Variants in ERCC6 observed in about 807,000 individuals in gnomAD.
ERCC6 encodes ERCC excision repair 6, chromatin remodeling factor.
Under a neutral mutation model 158.7 loss-of-function variants are expected in ERCC6, and 116 were observed. The ratio of observed to expected loss-of-function variants is 0.73; its 90% CI spans 0.63 to 0.85. The LOEUF (loss-of-function observed/expected upper bound fraction) is 0.85, where lower values mean the gene tolerates loss of function less well. ERCC6 is among the 40% of genes least tolerant of loss of function. The pLI is 0.00. For synonymous variants in ERCC6, 678 were observed against 659.3 expected, an observed-to-expected ratio of 1.03 and a Z score of -0.43; for missense variants, 1,698 against 1,799.4, an observed-to-expected ratio of 0.94 and a Z score of 1.02.
At chr10:49,513,518 TG>T (rs1231451920) in intron 5 of ERCC6, among the ~76,000 whole-genome samples, 1 of 152,128 alleles carries the variant, frequency 6.6e-6, no homozygotes, top group Non-Finnish European at 1.5e-5. Flanking sequence ...TACCCGAGAC[TG>T]GGTAATTTAT....
the ERCC6 span, among the ~76,000 whole-genome samples, chr10:49,446,257 ACC>A: frequency 0.21 from 20,887 of 99,516 alleles, 1,834 homozygotes; most frequent in South Asian, 0.33. Flanking sequence ...ACACACACAC[ACC>A]CCCCAATTTA....
intron 6 of ERCC6, chr10:49,503,975 A>G (rs1240812683): frequency 6.6e-6 from 1 of 152,168 alleles, no homozygotes; most frequent in Non-Finnish European, 1.5e-5. Context: ...GCTAAATTAG[A>G]TAGACAAATA....
intron 8 of ERCC6, among the ~76,000 whole-genome samples, chr10:49,487,415 CT>C (rs1224164607): frequency 6.6e-6 from 1 of 152,170 alleles, no homozygotes; most frequent in African/African-American, 2.4e-5. Context: ...CATTTCCTGA[CT>C]TTTGACCTCA....
chr10:49,476,476 T>C (rs1244287356), intron 11 of ERCC6, among the ~76,000 whole-genome samples, 166 bp from the exon 12 acceptor site: 1 of 152,164 alleles, frequency 6.6e-6, no homozygotes, highest in African/African-American at 2.4e-5. Flanking sequence ...CTTCTCACCA[T>C]ACCCTGCTCA....
chr10:49,537,034 G>A (rs910180668), intron 1 of ERCC6, among the ~76,000 whole-genome samples: 1 of 152,200 alleles, frequency 6.6e-6, no homozygotes, highest in Non-Finnish European at 1.5e-5. Flanking sequence ...TCAGGTTAAA[G>A]AATTTCAGAA....
At chr10:49,523,846 G>C (rs1285816245) in intron 5 of ERCC6, among the ~76,000 whole-genome samples, 187 bp downstream of exon 5, 1 of 151,722 alleles carries the variant, frequency 6.6e-6, no homozygotes, top group African/African-American at 2.4e-5. Context: ...CATGCATTTG[G>C]GGCCAGCATC....
the ERCC6 span, among the ~76,000 whole-genome samples, chr10:49,442,815 T>A: frequency 3.3e-5 from 5 of 152,248 alleles, no homozygotes; most frequent in Non-Finnish European, 7.3e-5. Flanking sequence ...ATCTTTTTAT[T>A]CCTATTTTTA....
intron 7 of ERCC6, among the ~76,000 whole-genome samples, chr10:49,496,751 T>C (rs1851274008): frequency 6.6e-6 from 1 of 152,164 alleles, no homozygotes; most frequent in Non-Finnish European, 1.5e-5. Flanking sequence ...GAGGTTGCAG[T>C]GAGCTGAGAT....
intron 5 of ERCC6, among the ~76,000 whole-genome samples, chr10:49,512,356 C>T (rs1486774312): frequency 6.6e-6 from 1 of 152,180 alleles, no homozygotes; most frequent in Non-Finnish European, 1.5e-5. Flanking sequence ...TACTGCAATC[C>T]TGACCTACCT....
intron 14 of ERCC6, 64 bp from the exon 15 acceptor site, chr10:49,473,092 G>C: frequency 6.2e-7 from 1 of 1,609,396 alleles, no homozygotes; most frequent in Non-Finnish European, 8.5e-7. Context: ...CTCAGCCTCT[G>C]CCTCCACATA....
At chr10:49,472,875 A>G in intron 15 of ERCC6, 34 bp downstream of exon 15, 1 of 1,605,072 alleles carries the variant, frequency 6.2e-7, no homozygotes, top group Non-Finnish European at 8.5e-7. Context: ...TATTTCTACT[A>G]ATACATTCTT....
At chr10:49,515,470 CA>C in intron 5 of ERCC6, 1 of 1,614,156 alleles carries the variant, frequency 6.2e-7, no homozygotes, top group East Asian at 2.2e-5. Flanking sequence ...TTTATGCCAT[CA>C]TAACGTGAGT....
intron 18 of ERCC6, among the ~76,000 whole-genome samples, chr10:49,461,835 A>G (rs932218363): frequency 2.0e-5 from 3 of 152,212 alleles, no homozygotes; most frequent in African/African-American, 7.2e-5. Context: ...AAAAGACCAA[A>G]CACTTAGGAA....
chr10:49,533,016 A>G (rs764889111), intron 1 of ERCC6, 38 bp from the exon 2 acceptor site: 1 of 1,602,824 alleles, frequency 6.2e-7, no homozygotes, highest in Non-Finnish European at 8.5e-7. Flanking sequence ...TTCGTTATAT[A>G]GGATTCATTG....
At chr10:49,449,609 C>T (rs1379122400), downstream of ERCC6, among the ~76,000 whole-genome samples, 1 of 130,754 alleles carries the variant, frequency 7.6e-6, no homozygotes, top group African/African-American at 3.0e-5. Flanking sequence ...CACTCTGTCA[C>T]CCAGGCTGGA....
Position 49,458,902 on chromosome 10 carries a change from G to T in ERCC6, c.4395C>A (p.Val1465=). The change falls in exon 21 of 21, where the codon GTC becomes GTA. Residue 1465 remains valine, a synonymous_variant. Transcript: ENST00000355832. ...ESKLSASQSC[V]FRELLRNLCT... ...ACAGATTTCTCAATAGTTCTCGGAAGACACAAGACTGTGATGCAGATAACT... is the reference window on the plus strand; with the variant it reads ...ACAGATTTCTCAATAGTTCTCGGAATACACAAGACTGTGATGCAGATAACT... 6.2e-7 allele frequency: 1 copy of T among 1,614,236 alleles called. No individual in the cohort carries two copies. The highest frequency in any genetic ancestry group is 8.5e-7 in the Non-Finnish European group (1 of 1,180,046).
rs1192308192 is a variant in ERCC6, at chr10:49,500,760, CAG to C, written c.1527-66_1527-65del. On this transcript the variant is annotated intron_variant, in intron 6 of 20. Coordinates refer to ENST00000355832, the MANE Select transcript of ERCC6 (RefSeq NM_000124.4). ...AAATGGTGGATAATACAGATCATAACAGAAAGTACTCATGAATTAATCATTTG... is the reference window on the plus strand; with the variant it reads ...AAATGGTGGATAATACAGATCATAACAAAGTACTCATGAATTAATCATTTG... 1.9e-5 allele frequency: 30 copies of C among 1,552,234 alleles called. 1 individual carries two copies. The African/African-American group carries it at 3.7e-4, about 19-fold the overall frequency.
chr10:49,539,300 CAA>C (rs1837683130), upstream of ERCC6: 1 of 152,296 alleles, frequency 6.6e-6, no homozygotes, highest in Non-Finnish European at 1.5e-5. Context: ...ACCCTGCTGG[CAA>C]GGCAGTTATG....
chr10:49,483,268 T>C (rs950329227), intron 9 of ERCC6, 78 bp downstream of exon 9: 1 of 1,405,538 alleles, frequency 7.1e-7, no homozygotes, highest in African/African-American at 1.4e-5. Flanking sequence ...AATAAATGTG[T>C]TACTAAAAGC....
Sources: gnomAD v4.1 joint callset for allele counts (sites outside exome capture counted in the v4.1 genomes callset) on GRCh38, gnomAD v4.1.1 for gene constraint, MANE v1.5 for transcripts, NCBI Gene and HGNC (gene_info 2026-07-23, HGNC 2026-07-21) for gene names.